GRAMD2B: variants seen among roughly 807,000 people sequenced by gnomAD.
GRAMD2B encodes the protein GRAM domain-containing protein 2B.
In GRAMD2B, 41 loss-of-function variants were observed where a neutral mutation model predicts 59.2. That is an observed-to-expected ratio of 0.69 (90% CI 0.54 to 0.90). GRAMD2B has a LOEUF of 0.90. Among genes scored for constraint, GRAMD2B ranks in the 40% least tolerant of loss-of-function variants. The pLI, the probability that GRAMD2B is intolerant of heterozygous loss-of-function variation, is 0.00. For missense variants in GRAMD2B, 424 were observed against 500.5 expected (o/e 0.85, Z 1.46); for synonymous variants, 161 against 182.7 (o/e 0.88, Z 0.96).
In GRAMD2B at chr5:126,484,452, G is replaced by A; in HGVS notation, c.898G>A (p.Ala300Thr). 1 of 1,614,192 alleles carries A rather than the reference G, an allele frequency of 6.2e-7. No homozygotes were observed. Among genetic ancestry groups the A allele is most frequent in the Non-Finnish European group, 8.5e-7 (1 of 1,180,028 alleles). Residue 300 changes from alanine to threonine, a missense_variant, in exon 10 of 14, where the codon GCA becomes ACA. Physicochemically the swap from Ala to Thr is moderately conservative, Grantham distance 58 (BLOSUM62 0). Coordinates refer to ENST00000285689, the MANE Select transcript of GRAMD2B (RefSeq NM_023927.4). ...QTVLNVSKGE[A>T]KPTRADAHVN... ...AGTTCTGAATGTCTCCAAGGGAGAA[G>A]CAAAGCCAACTCGGGCAGATGCCCA...
chr5:126,489,146 T>C (rs1773489952), intron 13 of GRAMD2B, among the ~76,000 whole-genome samples: 1 of 152,196 alleles, frequency 6.6e-6, no homozygotes, highest in Non-Finnish European at 1.5e-5. Flanking sequence ...TGATTAGACA[T>C]ATTACTTAAT....
chr5:126,492,950 TGACTGATC>T lies in GRAMD2B; in HGVS notation c.1297_*5del. ...ACTTACAGAAGTTGCTTGAGAATGG[TGACTGATC>T]GACCAGATTGCTTGGGCCATCGGAA... On this transcript the variant is annotated stop_lost and 3_prime_UTR_variant, in exon 14 of 14. Transcript: ENST00000285689. 21 of 1,612,056 alleles carry T rather than the reference TGACTGATC, an allele frequency of 1.3e-5. No homozygotes were observed. The highest frequency in any genetic ancestry group is 1.7e-5 in the Non-Finnish European group (20 of 1,178,208).
At chr5:126,369,940 T>G (rs1172709529), upstream of GRAMD2B, among the ~76,000 whole-genome samples, 2 of 152,226 alleles carry the variant, frequency 1.3e-5, no homozygotes, top group African/African-American at 4.8e-5. Flanking sequence ...AGCAATTTAA[T>G]ATAACAGCTT....
At chr5:126,360,502 G>T in intron 1 of GRAMD2B, 1 of 1,537,090 alleles carries the variant, frequency 6.5e-7, no homozygotes, top group Non-Finnish European at 8.8e-7. Flanking sequence ...TTTGGGAGTG[G>T]AGTGTGGCTT....
chr5:126,375,374 G>T (rs1321677664), intron 1 of GRAMD2B, among the ~76,000 whole-genome samples: 22 of 144,592 alleles, frequency 1.5e-4, no homozygotes, highest in Admixed American at 1.0e-3. Flanking sequence ...AAATCTTTTT[G>T]TTTTTTTTTT....
chr5:126,466,431 T>C (rs1290304373), intron 2 of GRAMD2B: 48 of 205,528 alleles, frequency 2.3e-4, no homozygotes, highest in Middle Eastern at 1.4e-3. Context: ...GCATCTCACC[T>C]TTTTTTTTTT....
At chr5:126,477,658 C>A in intron 5 of GRAMD2B, 34 bp from the exon 6 acceptor site, 1 of 1,136,880 alleles carries the variant, frequency 8.8e-7, no homozygotes, top group South Asian at 1.2e-5. Flanking sequence ...TCTGTCAAGT[C>A]TGAACTGGCA....
intron 1 of GRAMD2B, among the ~76,000 whole-genome samples, chr5:126,426,431 A>G (rs1485480956): frequency 6.6e-6 from 1 of 152,224 alleles, no homozygotes; most frequent in Non-Finnish European, 1.5e-5. Flanking sequence ...TCCGCCTCAT[A>G]GAATTTATCT....
At chr5:126,464,462 TC>T (rs900731611) in intron 1 of GRAMD2B, among the ~76,000 whole-genome samples, 2 of 152,064 alleles carry the variant, frequency 1.3e-5, no homozygotes, top group Admixed American at 6.6e-5. Context: ...GGAAGTGGTT[TC>T]CCCTGCTTCC....
At chr5:126,481,761 T>C (rs1170920482) in intron 8 of GRAMD2B, among the ~76,000 whole-genome samples, 1 of 151,172 alleles carries the variant, frequency 6.6e-6, no homozygotes, top group African/African-American at 2.4e-5. Context: ...AGGTCAGGAG[T>C]TCGAGACCAG....
intron 2 of GRAMD2B, chr5:126,466,259 TAACTCCGC>T: frequency 6.4e-7 from 1 of 1,550,494 alleles, no homozygotes; most frequent in South Asian, 1.2e-5. Flanking sequence ...AAAAGATTAT[TAACTCCGC>T]TTTTTGCTTC....
intron 5 of GRAMD2B, among the ~76,000 whole-genome samples, chr5:126,476,046 T>C (rs934264094): frequency 6.6e-6 from 1 of 152,026 alleles, no homozygotes; most frequent in African/African-American, 2.4e-5. Flanking sequence ...GGGTGGAGGT[T>C]GCGGTGAGCC....
intron 1 of GRAMD2B, among the ~76,000 whole-genome samples, chr5:126,436,685 A>C (rs911405414): frequency 2.0e-5 from 3 of 152,180 alleles, no homozygotes; most frequent in Admixed American, 1.3e-4. Flanking sequence ...GTTCACTATA[A>C]TTTGAGCAAT....
chr5:126,448,904 C>T (rs1351268164), intron 1 of GRAMD2B, among the ~76,000 whole-genome samples: 1 of 152,198 alleles, frequency 6.6e-6, no homozygotes, highest in Admixed American at 6.5e-5. Flanking sequence ...ACCTGTCTAA[C>T]ACACCTGTCT....
At chr5:126,478,198 AGGGCTGAGGT>A (rs1160156658) in intron 6 of GRAMD2B, among the ~76,000 whole-genome samples, 33 of 149,222 alleles carry the variant, frequency 2.2e-4, no homozygotes, top group African/African-American at 7.6e-4. Context: ...TGGGAGGCTG[AGGGCTGAGGT>A]GGGAGAATTG....
chr5:126,458,263 T>C (rs111662273), intron 1 of GRAMD2B, among the ~76,000 whole-genome samples: 1 of 152,016 alleles, frequency 6.6e-6, no homozygotes, highest in Admixed American at 6.6e-5. Context: ...GGTGAAACCC[T>C]GTCTCTAAGA....
intron 1 of GRAMD2B, among the ~76,000 whole-genome samples, chr5:126,391,021 G>A (rs886825545): frequency 1.1e-4 from 16 of 151,856 alleles, no homozygotes; most frequent in African/African-American, 3.9e-4. Flanking sequence ...TAACAGATTG[G>A]GCTTAAAGAT....
chr5:126,489,978 T>C (rs935759451), intron 13 of GRAMD2B, among the ~76,000 whole-genome samples: 18 of 152,200 alleles, frequency 1.2e-4, no homozygotes, highest in African/African-American at 3.6e-4. Flanking sequence ...CACTCAGTGT[T>C]AGTTAGTATT....
chr5:126,469,713 TG>T lies in GRAMD2B; in HGVS notation c.241del (p.Asp81IlefsTer45). The T allele has an allele frequency of 6.2e-7, 1 of 1,613,904 alleles. No individual in the cohort carries two copies. Among genetic ancestry groups the T allele is most frequent in the Non-Finnish European group, 8.5e-7 (1 of 1,179,850 alleles). ...SSFDGASLAS[D>X]KNDCKTESKN... is the part of the protein sequence containing the mutation. ...GTTTTGATGGTGCCTCTTTAGCAAG[TG>T]ATAAGAACGACTGTAAAACAGAAAG... is the stretch of plus-strand genomic sequence containing the variant. On this transcript the variant is annotated frameshift_variant, in exon 3 of 14. Coordinates refer to ENST00000285689, the MANE Select transcript of GRAMD2B (RefSeq NM_023927.4). LOFTEE classifies it high-confidence loss of function.
Sources: gnomAD v4.1 joint callset for allele counts (sites outside exome capture counted in the v4.1 genomes callset) on GRCh38, gnomAD v4.1.1 for gene constraint, MANE v1.5 for transcripts, NCBI Gene and HGNC (gene_info 2026-07-23, HGNC 2026-07-21) for gene names.